Variants in MTHFD1 observed in about 807,000 individuals in gnomAD.
The protein encoded by MTHFD1 is C-1-tetrahydrofolate synthase, cytoplasmic.
MTHFD1 carries 44 observed loss-of-function variants against 110.3 expected under a neutral mutation model. The ratio of observed to expected loss-of-function variants is 0.40; its 90% CI spans 0.31 to 0.51. The LOEUF is 0.51. Ranked by LOEUF, MTHFD1 falls within the 20% of genes least tolerant of loss-of-function variation. The probability of loss-of-function intolerance (pLI) is 0.60; values close to 1 mark genes in which losing one functional copy is unlikely to be tolerated. For missense variants in MTHFD1, 909 were observed against 1,173.1 expected (o/e 0.77, Z 3.29); for synonymous variants, 402 against 428.8 (o/e 0.94, Z 0.77).
intron 2 of MTHFD1, among the ~76,000 whole-genome samples, chr14:64,408,115 C>A (rs1438908469): frequency 6.6e-6 from 1 of 152,062 alleles, no homozygotes; most frequent in African/African-American, 2.4e-5. Flanking sequence ...ATAGCAGCAG[C>A]TGCTGTGACA....
intron 16 of MTHFD1, among the ~76,000 whole-genome samples, chr14:64,437,943 A>G (rs2078219047): frequency 6.6e-6 from 1 of 152,146 alleles, no homozygotes; most frequent in East Asian, 1.9e-4. Flanking sequence ...GAGTGATCTC[A>G]GCTCACTGCA....
intron 23 of MTHFD1, chr14:64,449,092 C>T (rs955738057): frequency 1.1e-5 from 4 of 358,288 alleles, no homozygotes; most frequent in East Asian, 7.0e-5. Context: ...AGCCACCGCG[C>T]CCAGCCAGCA....
At chr14:64,446,967 C>CTAG (rs1364862374) in intron 22 of MTHFD1, among the ~76,000 whole-genome samples, 11 of 151,990 alleles carry the variant, frequency 7.2e-5, no homozygotes. Flanking sequence ...AACCTCCCAA[C>CTAG]TAGCTGGAAG....
Position 64,460,000 on chromosome 14 carries a change from T to TTGC in MTHFD1, c.*247_*249dup. 1 of 1,368,142 alleles carries TTGC rather than the reference T, an allele frequency of 7.3e-7. No homozygotes were observed. 84.8% of individuals were successfully genotyped at this position (1,368,142 alleles called of 1,614,324 possible). A position where few individuals can be genotyped will look rare whatever the true frequency, so the allele number is the denominator to read the frequency against. The stretch of plus-strand genomic sequence containing the variant: ...TTCCACAGAATAAAAGGAAACAAGT[T>TTGC]TGCCATCTTGGTGTTGCAATATGAA... On this transcript the variant is annotated 3_prime_UTR_variant, in exon 28 of 28. Coordinates refer to ENST00000652337, the MANE Select transcript of MTHFD1 (RefSeq NM_005956.4).
chr14:64,421,860 C>T (rs1011450955), intron 8 of MTHFD1, among the ~76,000 whole-genome samples: 9 of 152,054 alleles, frequency 5.9e-5, no homozygotes, highest in Non-Finnish European at 8.8e-5. Context: ...CTCCTGACCT[C>T]GTGATCCGCC....
chr14:64,448,138 G>A, intron 22 of MTHFD1, 79 bp from the exon 23 acceptor site: 1 of 998,182 alleles, frequency 1.0e-6, no homozygotes, highest in Non-Finnish European at 1.6e-6. Flanking sequence ...GGCTCAAGGA[G>A]GTTGTTTGCC....
chr14:64,422,046 A>C (rs2078078840), intron 8 of MTHFD1, among the ~76,000 whole-genome samples: 1 of 152,086 alleles, frequency 6.6e-6, no homozygotes, highest in South Asian at 2.1e-4. Context: ...AGTGTTGCAG[A>C]TAGGTAGGAA....
chr14:64,453,791 A>C lies in MTHFD1; in HGVS notation c.2495A>C (p.Lys832Thr). The C allele has an allele frequency of 6.2e-7, 1 of 1,612,964 alleles. No individual in the cohort carries two copies. Among genetic ancestry groups the C allele is most frequent in the Non-Finnish European group, 8.5e-7 (1 of 1,178,980 alleles). The change falls in exon 25 of 28, where the codon AAG becomes ACG. Residue 832 changes from lysine (K) to threonine (T), a missense_variant. Physicochemically the swap from Lys to Thr is moderately conservative, Grantham distance 78. Around this residue, in one of 3 missense-constraint regions of MTHFD1, gnomAD observed 482 missense variants for 646.0 expected, o/e 0.75. Coordinates refer to ENST00000652337, the MANE Select transcript of MTHFD1 (RefSeq NM_005956.4). The stretch of plus-strand genomic sequence containing the variant: ...GATAAAATCAGGATCATTGCACAGA[A>C]GATCTATGGAGCAGATGACATTGAA... ...VEDKIRIIAQ[K>T]IYGADDIELL... is the part of the protein sequence containing the mutation.
chr14:64,406,852 CTA>C (rs2077939685), intron 2 of MTHFD1, among the ~76,000 whole-genome samples: 1 of 152,088 alleles, frequency 6.6e-6, no homozygotes, highest in South Asian at 2.1e-4. Context: ...TCTAATCGTT[CTA>C]TGTTTTATAC....
chr14:64,449,988 C>T (rs2078344616), intron 24 of MTHFD1, among the ~76,000 whole-genome samples: 1 of 152,186 alleles, frequency 6.6e-6, no homozygotes, highest in Admixed American at 6.5e-5. Flanking sequence ...GATGGGGTTT[C>T]ACCATCTTGG....
At chr14:64,403,047 T>C (rs1263955613) in intron 2 of MTHFD1, among the ~76,000 whole-genome samples, 7 of 152,172 alleles carry the variant, frequency 4.6e-5, no homozygotes, top group Non-Finnish European at 7.4e-5. Flanking sequence ...GCAACCTTCA[T>C]CTCCCAGGCT....
chr14:64,431,753 C>T, intron 14 of MTHFD1, 34 bp from the exon 15 acceptor site: 7 of 1,600,040 alleles, frequency 4.4e-6, no homozygotes, highest in Non-Finnish European at 6.0e-6. Context: ...CAGTGGGGCT[C>T]CTCTCATTTT....
At chr14:64,445,181 A>G (rs2078280442) in intron 22 of MTHFD1, 1 of 244,898 alleles carries the variant, frequency 4.1e-6, no homozygotes, top group South Asian at 5.4e-5. Context: ...CCTGTCCTAG[A>G]CTAATAGCAG....
intron 1 of MTHFD1, among the ~76,000 whole-genome samples, chr14:64,394,691 G>T (rs2077833353): frequency 6.6e-6 from 1 of 152,040 alleles, no homozygotes; most frequent in African/African-American, 2.4e-5. Context: ...TGACTGCAAT[G>T]AATGACTTAA....
At chr14:64,413,371 G>C (rs1415153715) in intron 4 of MTHFD1, among the ~76,000 whole-genome samples, 1 of 152,084 alleles carries the variant, frequency 6.6e-6, no homozygotes, top group Non-Finnish European at 1.5e-5. Flanking sequence ...AGGTAAAACC[G>C]ATCCTTGGCC....
intron 1 of MTHFD1, 136 bp from the exon 2 acceptor site, chr14:64,400,657 C>T: frequency 1.4e-6 from 1 of 692,556 alleles, no homozygotes; most frequent in Non-Finnish European, 2.6e-6. Context: ...CACTGTACTC[C>T]CAGCCTGGGT....
In MTHFD1 at chr14:64,419,393, T is replaced by C. The variant is rs1006954249; in HGVS notation, c.616-421T>C. Reference sequence around the variant, plus strand: ...ATGCGCACACACACACACGTGCCTGTTGACAGTGCAGTCTCTTAAATGTGG... The same window carrying C: ...ATGCGCACACACACACACGTGCCTGCTGACAGTGCAGTCTCTTAAATGTGG... On this transcript the variant is annotated intron_variant, in intron 7 of 27. Coordinates refer to ENST00000652337, the MANE Select transcript of MTHFD1 (RefSeq NM_005956.4). 4 of 287,970 alleles carry C rather than the reference T, an allele frequency of 1.4e-5. No homozygotes were observed. In the South Asian group the frequency reaches 1.5e-4, roughly 11 times the overall value. The allele number at this position is 287,970 out of a possible 1,614,324, so 17.8% of individuals were successfully genotyped here.
At position 64,388,468 on chromosome 14, in the gene MTHFD1, C is replaced by T; in HGVS notation, c.41C>T (p.Ala14Val). The T allele has an allele frequency of 6.2e-7, 1 of 1,613,394 alleles. No homozygotes were observed. Among genetic ancestry groups the T allele is most frequent in the Non-Finnish European group, 8.5e-7 (1 of 1,179,752 alleles). Residue 14 changes from alanine (A) to valine (V), a missense_variant and splice_region_variant, in exon 1 of 28, where the codon GCG becomes GTG. Physicochemically the swap from Ala to Val is moderately conservative, Grantham distance 64. Around this residue, in one of 3 missense-constraint regions of MTHFD1, gnomAD observed 424 missense variants for 510.4 expected, o/e 0.83. Coordinates refer to ENST00000652337, the MANE Select transcript of MTHFD1 (RefSeq NM_005956.4). Reference protein sequence around the residue: ...AEILNGKEISAQIRARLKNQV... With the variant: ...AEILNGKEISVQIRARLKNQV... Reference sequence around the variant, plus strand: ...ATCCTGAACGGGAAGGAGATCTCCGCGTAAGCACCTGACATTGTTGTTGAG... The same window carrying T: ...ATCCTGAACGGGAAGGAGATCTCCGTGTAAGCACCTGACATTGTTGTTGAG...
intron 1 of MTHFD1, among the ~76,000 whole-genome samples, chr14:64,391,711 C>T (rs1298506476): frequency 6.6e-6 from 1 of 152,228 alleles, no homozygotes; most frequent in African/African-American, 2.4e-5. Context: ...AGCCCCTTTT[C>T]TCCCTCACGG....
Sources: allele counts gnomAD v4.1 joint callset (sites outside exome capture counted in the v4.1 genomes callset), GRCh38; gene constraint gnomAD v4.1.1; regional missense constraint gnomAD v4.1.1; transcripts MANE v1.5; gene names NCBI Gene and HGNC (gene_info 2026-07-23, HGNC 2026-07-21).